Variants in CLVS1 observed in about 807,000 individuals in gnomAD.
CLVS1 encodes the protein clavesin 1.
Under a neutral mutation model 33.1 loss-of-function variants are expected in CLVS1, and 10 were observed. The ratio of observed to expected loss-of-function variants is 0.30; its 90% CI spans 0.19 to 0.51. The LOEUF (loss-of-function observed/expected upper bound fraction) is 0.51. Ranked by LOEUF, CLVS1 falls within the 20% of genes least tolerant of loss-of-function variation. CLVS1 has a pLI of 0.97. For missense variants in CLVS1, 343 were observed against 433.4 expected (o/e 0.79, Z 1.85); for synonymous variants, 163 against 166.1 (o/e 0.98, Z 0.14).
chr8:60,973,697 TG>T, the CLVS1 span, among the ~76,000 whole-genome samples: 2,369 of 152,338 alleles, frequency 0.016, 56 homozygotes, highest in African/African-American at 0.05. Context: ...TCTGCTGTCT[TG>T]CATCCCTTTT....
chr8:61,036,341 G>A, the CLVS1 span, among the ~76,000 whole-genome samples: 1 of 152,338 alleles, frequency 6.6e-6, no homozygotes, highest in Non-Finnish European at 1.5e-5. Context: ...GGGTGAGTGA[G>A]GCACTGTGCC....
At chr8:61,459,444 C>T (rs1268192935) in intron 5 of CLVS1, among the ~76,000 whole-genome samples, 2 of 151,870 alleles carry the variant, frequency 1.3e-5, no homozygotes, top group African/African-American at 4.8e-5. Flanking sequence ...CCTGGTGCAC[C>T]CGTCATCCGA....
intron 5 of CLVS1, among the ~76,000 whole-genome samples, chr8:61,477,988 T>G (rs1004516508): frequency 6.6e-6 from 1 of 150,830 alleles, no homozygotes; most frequent in Admixed American, 6.6e-5. Context: ...CTCTACACAC[T>G]GCTTTGAATG....
At chr8:61,087,461 C>T (rs1178457154) in intron 1 of CLVS1, among the ~76,000 whole-genome samples, 1 of 152,152 alleles carries the variant, frequency 6.6e-6, no homozygotes, top group African/African-American at 2.4e-5. Context: ...TGTTTCTTTC[C>T]TCTCCCCCCT....
intron 2 of CLVS1, among the ~76,000 whole-genome samples, chr8:61,137,035 G>C (rs897393479): frequency 6.6e-6 from 1 of 152,182 alleles, no homozygotes; most frequent in African/African-American, 2.4e-5. Flanking sequence ...GTACGAAAGC[G>C]GGTGTCTTCT....
intron 2 of CLVS1, among the ~76,000 whole-genome samples, chr8:61,345,692 G>A (rs1812194197): frequency 6.6e-6 from 1 of 150,438 alleles, no homozygotes; most frequent in Admixed American, 6.7e-5. Context: ...AACATGTGTT[G>A]CTATTACTCA....
chr8:61,270,640 T>G (rs192877503), intron 2 of CLVS1, among the ~76,000 whole-genome samples: 65 of 151,970 alleles, frequency 4.3e-4, no homozygotes, highest in East Asian at 2.5e-3. Flanking sequence ...AATCCATCTG[T>G]TCCTGGACTC....
chr8:61,476,505 T>A (rs1257092682), intron 5 of CLVS1, among the ~76,000 whole-genome samples: 1 of 152,230 alleles, frequency 6.6e-6, no homozygotes, highest in African/African-American at 2.4e-5. Context: ...CTTGAATAAG[T>A]CCTTCACATC....
chr8:61,123,741 A>G (rs1002956347), intron 1 of CLVS1, among the ~76,000 whole-genome samples: 3 of 152,140 alleles, frequency 2.0e-5, no homozygotes, highest in African/African-American at 7.2e-5. Context: ...CTGTGGAGGA[A>G]TGGCCTTGTG....
chr8:60,985,065 A>G, the CLVS1 span, among the ~76,000 whole-genome samples: 1 of 152,178 alleles, frequency 6.6e-6, no homozygotes, highest in Non-Finnish European at 1.5e-5. Flanking sequence ...CCAACCCTGA[A>G]AGCTATTTTA....
At chr8:61,051,500 A>AG in the CLVS1 span, among the ~76,000 whole-genome samples, 3 of 152,228 alleles carry the variant, frequency 2.0e-5, no homozygotes, top group African/African-American at 7.2e-5. Flanking sequence ...GTGTCAGGCC[A>AG]GGGGAGGATG....
intron 1 of CLVS1, among the ~76,000 whole-genome samples, chr8:61,084,401 G>A (rs1033778298): frequency 5.3e-5 from 8 of 152,060 alleles, no homozygotes; most frequent in East Asian, 1.9e-4. Flanking sequence ...CTCCCCTCCC[G>A]TGTTGTCCTC....
At chr8:60,979,280 C>T in the CLVS1 span, among the ~76,000 whole-genome samples, 8 of 152,336 alleles carry the variant, frequency 5.3e-5, no homozygotes, top group East Asian at 1.5e-3. Context: ...GGTTTGCACA[C>T]AGCTCCCCTC....
At chr8:61,492,656 A>G (rs1393999064) in intron 5 of CLVS1, among the ~76,000 whole-genome samples, 1 of 152,234 alleles carries the variant, frequency 6.6e-6, no homozygotes, top group African/African-American at 2.4e-5. Context: ...GGCTCACTCT[A>G]AAAATAGTTT....
chr8:61,134,498 C>T (rs927746802), intron 2 of CLVS1, among the ~76,000 whole-genome samples: 4 of 152,246 alleles, frequency 2.6e-5, no homozygotes, highest in African/African-American at 9.6e-5. Context: ...ATCCAAATGT[C>T]AGTGTTTATA....
intron 3 of CLVS1, among the ~76,000 whole-genome samples, chr8:61,452,949 A>T (rs1239381606): frequency 1.3e-5 from 2 of 152,182 alleles, no homozygotes; most frequent in African/African-American, 4.8e-5. Context: ...GGGCTCTGAA[A>T]AAAAGTTAAT....
At chr8:61,278,485 G>A (rs963704378) in intron 2 of CLVS1, among the ~76,000 whole-genome samples, 1 of 152,082 alleles carries the variant, frequency 6.6e-6, no homozygotes, top group African/African-American at 2.4e-5. Context: ...TTCCTCCCAT[G>A]TCTTGTTTTC....
chr8:61,298,441 CT>C (rs1016596952), intron 1 of CLVS1, among the ~76,000 whole-genome samples: 32 of 152,008 alleles, frequency 2.1e-4, no homozygotes, highest in African/African-American at 3.6e-4. Context: ...ATACCAGTTA[CT>C]TTTTTTTATC....
intron 2 of CLVS1, among the ~76,000 whole-genome samples, chr8:61,333,840 C>A (rs1197176755): frequency 6.6e-6 from 1 of 151,604 alleles, no homozygotes; most frequent in African/African-American, 2.4e-5. Context: ...TTTTTTTGAT[C>A]CTCTCCCTCC....
Sources: allele counts gnomAD v4.1 joint callset (sites outside exome capture counted in the v4.1 genomes callset), GRCh38; gene constraint gnomAD v4.1.1; transcripts MANE v1.5; gene names NCBI Gene and HGNC (gene_info 2026-07-23, HGNC 2026-07-21).